ANKRD30B: variants seen among roughly 807,000 people sequenced by gnomAD.
The protein encoded by ANKRD30B is ankyrin repeat domain 30B, also known as ankyrin repeat domain-containing protein 30B.
A neutral mutation model predicts 202.2 loss-of-function variants in ANKRD30B; 144 were observed. The ratio of observed to expected loss-of-function variants is 0.71; its 90% CI spans 0.62 to 0.82. ANKRD30B has a LOEUF of 0.82. Among genes scored for constraint, ANKRD30B ranks in the 40% least tolerant of loss-of-function variants. The pLI is 0.00. For synonymous variants in ANKRD30B, 508 were observed against 561.3 expected (o/e 0.91, Z 1.34); for missense variants, 1,487 against 1,669.1 (o/e 0.89, Z 1.90).
the ANKRD30B span, among the ~76,000 whole-genome samples, chr18:14,867,877 C>T: frequency 6.6e-6 from 1 of 152,244 alleles, no homozygotes; most frequent in Admixed American, 6.5e-5. Context: ...GGCTCTAACA[C>T]TGTCACTTTC....
chr18:14,805,796 C>A (rs1032387045), intron 24 of ANKRD30B, among the ~76,000 whole-genome samples: 2 of 150,348 alleles, frequency 1.3e-5, no homozygotes, highest in African/African-American at 4.9e-5. Flanking sequence ...CTTATCTCCT[C>A]ATCACTCAGC....
chr18:14,910,537 T>G, the ANKRD30B span, among the ~76,000 whole-genome samples: 1 of 151,234 alleles, frequency 6.6e-6, no homozygotes, highest in Non-Finnish European at 1.5e-5. Flanking sequence ...TTGATGGACA[T>G]GTAGGTTGAT....
chr18:14,771,131 G>A (rs749237844), intron 8 of ANKRD30B, among the ~76,000 whole-genome samples: 4 of 152,144 alleles, frequency 2.6e-5, no homozygotes, highest in Admixed American at 6.5e-5. Context: ...ACTCCATTTC[G>A]TTGTTTTTCA....
At chr18:14,749,592 A>G (rs192109343) in intron 1 of ANKRD30B, among the ~76,000 whole-genome samples, 33 of 144,070 alleles carry the variant, frequency 2.3e-4, no homozygotes, top group East Asian at 1.3e-3. Flanking sequence ...AATTGCTTCA[A>G]CCTGGTAGGT....
At chr18:14,884,820 A>G in the ANKRD30B span, among the ~76,000 whole-genome samples, 1 of 152,074 alleles carries the variant, frequency 6.6e-6, no homozygotes, top group Non-Finnish European at 1.5e-5. Context: ...GAGAAAGTAA[A>G]TTTTCTTGAC....
chr18:14,790,622 G>T (rs1968425454), intron 15 of ANKRD30B, among the ~76,000 whole-genome samples: 1 of 152,094 alleles, frequency 6.6e-6, no homozygotes, highest in South Asian at 2.1e-4. Flanking sequence ...TTTGTCAAAG[G>T]CCTTTTCTGC....
the ANKRD30B span, among the ~76,000 whole-genome samples, chr18:14,911,773 A>G: frequency 2.6e-5 from 4 of 152,078 alleles, no homozygotes; most frequent in Admixed American, 6.6e-5. Flanking sequence ...AAGTTTTTCC[A>G]TTTGTTTGTG....
In ANKRD30B at chr18:14,752,982, C is replaced by A. The variant is rs746952025; in HGVS notation, c.480C>A (p.Ser160=). 6.2e-7 allele frequency: 1 copy of A among 1,602,518 alleles called. No homozygotes were observed. Among genetic ancestry groups the A allele is most frequent in the Non-Finnish European group, 8.5e-7 (1 of 1,174,096 alleles). The change falls in exon 3 of 44, where the codon TCC becomes TCA. Residue 160 remains serine, a synonymous_variant. Transcript: ENST00000690538. ...ENLLMVATLL[S]YGAVIEVQNK... The stretch of plus-strand genomic sequence containing the variant: ...TGTTAATGGTGGCAACACTGCTGTC[C>A]TATGGTGCAGTCATCGAGGTGCAAA...
chr18:14,918,089 G>GT, the ANKRD30B span, among the ~76,000 whole-genome samples: 1 of 152,086 alleles, frequency 6.6e-6, no homozygotes, highest in Non-Finnish European at 1.5e-5. Context: ...GAAGGGTAGG[G>GT]GAAGGACTCC....
the ANKRD30B span, among the ~76,000 whole-genome samples, chr18:14,867,489 G>T: frequency 5.3e-5 from 8 of 152,096 alleles, no homozygotes; most frequent in Non-Finnish European, 4.4e-5. Flanking sequence ...AGGGTGCACA[G>T]AGTTTTCACG....
the ANKRD30B span, among the ~76,000 whole-genome samples, chr18:14,911,056 TC>T: frequency 6.6e-6 from 1 of 152,272 alleles, no homozygotes; most frequent in Non-Finnish European, 1.5e-5. Context: ...AATATTTTTT[TC>T]CATTCTGTAG....
chr18:14,878,436 A>T, the ANKRD30B span, among the ~76,000 whole-genome samples: 2 of 152,090 alleles, frequency 1.3e-5, no homozygotes, highest in African/African-American at 4.8e-5. Context: ...TCTATTAGAT[A>T]CGGTCTTTGC....
intron 42 of ANKRD30B, among the ~76,000 whole-genome samples, chr18:14,853,011 T>C (rs1230584395): frequency 6.6e-6 from 1 of 152,170 alleles, no homozygotes; most frequent in Non-Finnish European, 1.5e-5. Flanking sequence ...TGTTAAAACC[T>C]CTCAATTTTT....
chr18:14,758,852 T>TA (rs1371134554), intron 5 of ANKRD30B, among the ~76,000 whole-genome samples: 1 of 152,216 alleles, frequency 6.6e-6, no homozygotes, highest in Non-Finnish European at 1.5e-5. Context: ...TTTATTTTGT[T>TA]ACCAGATCTA....
rs1157955014 is a variant in ANKRD30B at position 14,763,717 on chromosome 18, T to C, written c.852T>C (p.Ala284=). 1 of 1,614,064 alleles carries C rather than the reference T, an allele frequency of 6.2e-7. No individual in the cohort carries two copies. The highest frequency in any genetic ancestry group is 1.3e-5 in the African/African-American group (1 of 75,048). ...EGTSTGTPDE[A]APLAERTPDT... Reference sequence around the variant, plus strand: ...CATCTACAGGAACACCTGATGAGGCTGCACCCTTGGCGGAAAGAACACCTG... The same window carrying C: ...CATCTACAGGAACACCTGATGAGGCCGCACCCTTGGCGGAAAGAACACCTG... The change falls in exon 7 of 44, where the codon GCT becomes GCC. Residue 284 remains alanine, a synonymous_variant. Transcript: ENST00000690538.
intron 16 of ANKRD30B, among the ~76,000 whole-genome samples, chr18:14,791,908 G>C (rs1283604951): frequency 1.3e-5 from 2 of 152,114 alleles, no homozygotes; most frequent in African/African-American, 2.4e-5. Flanking sequence ...AATGTAAAGT[G>C]ACTTTCTAAT....
chr18:14,757,471 CTT>C (rs969417267), intron 4 of ANKRD30B, among the ~76,000 whole-genome samples: 3 of 152,210 alleles, frequency 2.0e-5, no homozygotes, highest in African/African-American at 4.8e-5. Flanking sequence ...ATTGCTCTCT[CTT>C]GTCTGACTTC....
At chr18:14,862,702 A>C in the ANKRD30B span, among the ~76,000 whole-genome samples, 1 of 152,174 alleles carries the variant, frequency 6.6e-6, no homozygotes, top group Non-Finnish European at 1.5e-5. Context: ...GAGCCACGGG[A>C]AGCTTTCATC....
At position 14,784,469 on chromosome 18, in the gene ANKRD30B, G is replaced by A. The variant is rs149361065; in HGVS notation, c.1606G>A (p.Val536Ile). 800 of 1,613,136 alleles carry A rather than the reference G, an allele frequency of 5.0e-4. 8 individuals carry two copies. The East Asian group carries it at 0.013, about 26-fold the overall frequency. The change falls in exon 14 of 44, where the codon GTT (valine) becomes ATT (isoleucine). Residue 536 changes from valine to isoleucine, a missense_variant. Coordinates refer to ENST00000690538, the MANE Select transcript of ANKRD30B (RefSeq NM_001367607.2). ...PEKPSAFKPA[V>I]EMQKTVPNKA... ...TTCTTCCAAACCCATTTAGCCTGCC[G>A]TTGAAATGCAAAAGACTGTTCCAAA...
Sources: gnomAD v4.1 joint callset for allele counts (sites outside exome capture counted in the v4.1 genomes callset) on GRCh38, gnomAD v4.1.1 for gene constraint, MANE v1.5 for transcripts, NCBI Gene and HGNC (gene_info 2026-07-23, HGNC 2026-07-21) for gene names.